The following CNTN5 variants were observed in gnomAD, a reference collection of about 807,000 sequenced individuals.
CNTN5 encodes the protein contactin 5, also known as contactin-5.
Under a neutral mutation model 129.1 loss-of-function variants are expected in CNTN5, and 77 were observed. The observed-to-expected ratio is 0.60, with a 90% CI of 0.50 to 0.72. CNTN5 has a LOEUF of 0.72. CNTN5 is among the 30% of genes least tolerant of loss of function. CNTN5 has a pLI of 0.00. For missense variants in CNTN5, 1,478 were observed against 1,328.8 expected (o/e 1.11, Z -1.75); for synonymous variants, 509 against 465.6 (o/e 1.09, Z -1.20).
chr11:99,569,668 T>A (rs1287619985), intron 3 of CNTN5, among the ~76,000 whole-genome samples: 2 of 152,172 alleles, frequency 1.3e-5, no homozygotes, highest in Non-Finnish European at 2.9e-5. Context: ...AAATCTTCAC[T>A]GCTAACCACT....
chr11:100,007,065 A>G (rs909254538), intron 9 of CNTN5, among the ~76,000 whole-genome samples: 30 of 152,098 alleles, frequency 2.0e-4, no homozygotes, highest in Non-Finnish European at 3.4e-4. Flanking sequence ...TGCATTGTCA[A>G]TGGACAGTAT....
chr11:99,997,844 A>G (rs200531620), intron 8 of CNTN5, among the ~76,000 whole-genome samples: 10,645 of 152,136 alleles, frequency 0.07, 767 homozygotes, highest in East Asian at 0.31. Flanking sequence ...TGCAAGGCTG[A>G]TTCAATATAC....
At chr11:99,530,438 A>T (rs1452391690) in intron 2 of CNTN5, among the ~76,000 whole-genome samples, 1 of 151,740 alleles carries the variant, frequency 6.6e-6, no homozygotes, top group African/African-American at 2.4e-5. Flanking sequence ...CACTTATTGA[A>T]GTCCTGCTAT....
rs1355288603 is a variant in CNTN5 at position 100,148,808 on chromosome 11, C to A, written c.1581-42318C>A. ...TATGCTCTTGCTCTAGCATCCTTGT[C>A]ACTTATCTTGCGGTGTAAATATTTA... On this transcript the variant is annotated intron_variant, in intron 13 of 24. Coordinates refer to ENST00000524871, the MANE Select transcript of CNTN5 (RefSeq NM_014361.4). Among the ~76,000 whole-genome samples the A allele has an allele frequency of 3.9e-5, 6 of 152,066 alleles. No homozygotes were observed. The South Asian group carries it at 8.3e-4, about 21-fold the overall frequency.
At chr11:99,703,461 A>G (rs1048548567) in intron 3 of CNTN5, among the ~76,000 whole-genome samples, 1 of 150,712 alleles carries the variant, frequency 6.6e-6, no homozygotes. Flanking sequence ...TAATAAAAAT[A>G]CTTGTCATTT....
chr11:99,163,256 A>G (rs543245248), intron 1 of CNTN5, among the ~76,000 whole-genome samples: 1 of 152,252 alleles, frequency 6.6e-6, no homozygotes, highest in South Asian at 2.1e-4. Context: ...AGGAAAATAA[A>G]TTTACGTTGT....
intron 2 of CNTN5, among the ~76,000 whole-genome samples, chr11:99,373,705 C>T (rs551129859): frequency 4.6e-4 from 48 of 104,092 alleles, no homozygotes; most frequent in Admixed American, 2.3e-3. Flanking sequence ...GAGGAAAACT[C>T]CGTCTCAAAA....
intron 1 of CNTN5, among the ~76,000 whole-genome samples, chr11:99,064,315 A>T (rs1865012169): frequency 6.6e-6 from 1 of 152,180 alleles, no homozygotes; most frequent in African/African-American, 2.4e-5. Flanking sequence ...TGATTTGCCA[A>T]TTCATTCTGT....
At chr11:100,168,339 A>G (rs2138395125) in intron 13 of CNTN5, among the ~76,000 whole-genome samples, 1 of 152,072 alleles carries the variant, frequency 6.6e-6, no homozygotes, top group Middle Eastern at 3.4e-3. Context: ...TAGAGAAGAG[A>G]AGTGAATGCC....
At chr11:100,285,993 A>C (rs1950777253) in intron 18 of CNTN5, among the ~76,000 whole-genome samples, 1 of 152,228 alleles carries the variant, frequency 6.6e-6, no homozygotes. Flanking sequence ...GAAAGGGGTG[A>C]CAGACGCACC....
chr11:99,929,886 A>G (rs1379432206), intron 7 of CNTN5, among the ~76,000 whole-genome samples: 3 of 152,230 alleles, frequency 2.0e-5, no homozygotes, highest in Non-Finnish European at 2.9e-5. Flanking sequence ...TTGGCCAAGA[A>G]GAGGTAGTAG....
At chr11:99,450,768 G>GTTTTTTTTTTTTTTT (rs34146715) in intron 2 of CNTN5, among the ~76,000 whole-genome samples, 3 of 105,004 alleles carry the variant, frequency 2.9e-5, no homozygotes, top group Non-Finnish European at 3.8e-5. Flanking sequence ...ATTGAAGCAA[G>GTTTTTTTTTTTTTTT]TTTTTTTTTT....
intron 2 of CNTN5, among the ~76,000 whole-genome samples, chr11:99,482,530 A>AG (rs1221987984): frequency 6.6e-6 from 1 of 152,188 alleles, no homozygotes; most frequent in Non-Finnish European, 1.5e-5. Flanking sequence ...TTTGTTCTTA[A>AG]TGTTTTCAAA....
In CNTN5 at chr11:100,002,083, G is replaced by A. The variant is rs199733775; in HGVS notation, c.927G>A (p.Thr309=). The change falls in exon 9 of 25, where the codon ACG becomes ACA. Residue 309 remains threonine (T), a synonymous_variant. Coordinates refer to ENST00000524871, the MANE Select transcript of CNTN5 (RefSeq NM_014361.4). Reference sequence around the variant, plus strand: ...AAATTGAGGTCCATTTTCCTTTCACGGTTACAGCTGCTAAAGGAACAACTG... The same window carrying A: ...AAATTGAGGTCCATTTTCCTTTCACAGTTACAGCTGCTAAAGGAACAACTG... ...EPKIEVHFPF[T]VTAAKGTTVK... 3.6e-5 allele frequency: 58 copies of A among 1,597,894 alleles called. 1 individual carries two copies. The highest frequency in any genetic ancestry group is 4.2e-5 in the Non-Finnish European group (49 of 1,175,254).
chr11:100,354,987 G>T (rs535471936), intron 24 of CNTN5, among the ~76,000 whole-genome samples: 2 of 151,650 alleles, frequency 1.3e-5, no homozygotes, highest in East Asian at 3.9e-4. Context: ...TGACTTTATT[G>T]TACACTGTCA....
At chr11:99,194,499 T>C (rs1858802537) in intron 1 of CNTN5, among the ~76,000 whole-genome samples, 1 of 152,212 alleles carries the variant, frequency 6.6e-6, no homozygotes, top group African/African-American at 2.4e-5. Flanking sequence ...AGTTCTCTAA[T>C]ATAATAATTT....
chr11:99,713,132 C>T (rs79095562), intron 3 of CNTN5, among the ~76,000 whole-genome samples: 2,117 of 152,200 alleles, frequency 0.014, 104 homozygotes, highest in Admixed American at 0.093. Context: ...GAATGGCTTT[C>T]CATTTGTTTG....
At chr11:99,991,377 G>C (rs978709336) in intron 8 of CNTN5, among the ~76,000 whole-genome samples, 1 of 152,122 alleles carries the variant, frequency 6.6e-6, no homozygotes, top group Non-Finnish European at 1.5e-5. Context: ...TGAGGCAGGA[G>C]AATGGCCTGA....
At chr11:99,979,217 C>T (rs1038058925) in intron 8 of CNTN5, among the ~76,000 whole-genome samples, 2 of 151,888 alleles carry the variant, frequency 1.3e-5, no homozygotes, top group African/African-American at 4.8e-5. Context: ...AGGAGATAGA[C>T]AAGTTAATGA....
Sources: gnomAD v4.1 joint callset for allele counts (sites outside exome capture counted in the v4.1 genomes callset) on GRCh38, gnomAD v4.1.1 for gene constraint, MANE v1.5 for transcripts, NCBI Gene and HGNC (gene_info 2026-07-23, HGNC 2026-07-21) for gene names.